GRXCR1: variants seen among roughly 807,000 people sequenced by gnomAD.
GRXCR1 encodes the protein glutaredoxin domain-containing cysteine-rich protein 1.
GRXCR1 carries 27 observed loss-of-function variants against 27.3 expected under a neutral mutation model. The ratio of observed to expected loss-of-function variants is 0.99; its 90% confidence interval spans 0.73 to 1.37. The LOEUF is 1.37. GRXCR1 is among the 40% of genes most tolerant of loss of function. GRXCR1 has a pLI of 0.00. For missense variants in GRXCR1, 379 were observed against 354.4 expected (o/e 1.07, Z -0.56); for synonymous variants, 122 against 131.1 (o/e 0.93, Z 0.47).
intron 1 of GRXCR1, among the ~76,000 whole-genome samples, chr4:42,947,546 T>C (rs1747776575): frequency 6.6e-6 from 1 of 152,180 alleles, no homozygotes. Context: ...ATTGGGTTAC[T>C]GATAAAATTG....
intron 2 of GRXCR1, among the ~76,000 whole-genome samples, chr4:42,976,880 C>T (rs994341959): frequency 2.0e-5 from 3 of 151,914 alleles, no homozygotes; most frequent in Non-Finnish European, 4.4e-5. Context: ...TAACTCTAGT[C>T]CTCCAATAGA....
intron 2 of GRXCR1, 23 bp downstream of exon 2, chr4:42,963,157 T>G: frequency 6.2e-7 from 1 of 1,611,358 alleles, no homozygotes; most frequent in Non-Finnish European, 8.5e-7. Context: ...CCCAGGAAAG[T>G]CTTTTTCATA....
chr4:42,953,821 A>G (rs1442018581), intron 1 of GRXCR1, among the ~76,000 whole-genome samples: 2 of 152,094 alleles, frequency 1.3e-5, no homozygotes, highest in African/African-American at 4.8e-5. Flanking sequence ...TAATAAAAAT[A>G]TATCATTTAC....
chr4:42,920,587 A>C (rs1746986114), intron 1 of GRXCR1, among the ~76,000 whole-genome samples: 1 of 152,142 alleles, frequency 6.6e-6, no homozygotes, highest in Non-Finnish European at 1.5e-5. Context: ...AAAGGTGCAG[A>C]GGTTCTACTG....
chr4:42,989,925 TC>T (rs1328938928), intron 2 of GRXCR1, among the ~76,000 whole-genome samples: 1 of 152,096 alleles, frequency 6.6e-6, no homozygotes, highest in Non-Finnish European at 1.5e-5. Context: ...ATTATCATTT[TC>T]CATATTTATA....
intron 1 of GRXCR1, among the ~76,000 whole-genome samples, chr4:42,947,383 G>A (rs536353457): frequency 6.6e-6 from 1 of 152,192 alleles, no homozygotes; most frequent in South Asian, 2.1e-4. Context: ...CCTTAAGCAA[G>A]TTAGAAATCT....
intron 2 of GRXCR1, among the ~76,000 whole-genome samples, chr4:43,009,850 C>T (rs1434006694): frequency 1.3e-5 from 2 of 152,086 alleles, no homozygotes; most frequent in Non-Finnish European, 2.9e-5. Context: ...ATACATTTCT[C>T]TATATATATT....
At chr4:42,930,741 G>T (rs1236688834) in intron 1 of GRXCR1, among the ~76,000 whole-genome samples, 1 of 151,972 alleles carries the variant, frequency 6.6e-6, no homozygotes, top group Non-Finnish European at 1.5e-5. Context: ...GGATTCCTCA[G>T]ATCATCGATA....
intron 1 of GRXCR1, among the ~76,000 whole-genome samples, chr4:42,948,390 G>A (rs1414368659): frequency 6.6e-6 from 1 of 152,014 alleles, no homozygotes; most frequent in Non-Finnish European, 1.5e-5. Context: ...TAGCATCTTG[G>A]AGAAAAGTCC....
At chr4:42,981,986 A>G (rs1748682124) in intron 2 of GRXCR1, among the ~76,000 whole-genome samples, 1 of 151,268 alleles carries the variant, frequency 6.6e-6, no homozygotes, top group South Asian at 2.1e-4. Context: ...ATCTTTCTTC[A>G]TATTTGGAAA....
chr4:43,001,807 C>A (rs1268843193), intron 2 of GRXCR1, among the ~76,000 whole-genome samples: 1 of 151,416 alleles, frequency 6.6e-6, no homozygotes, highest in African/African-American at 2.4e-5. Flanking sequence ...TGAGTTCCCT[C>A]AGTTTTTATT....
intron 3 of GRXCR1, among the ~76,000 whole-genome samples, chr4:43,024,144 T>TA (rs1713180000): frequency 6.6e-6 from 1 of 151,348 alleles, no homozygotes; most frequent in Non-Finnish European, 1.5e-5. Context: ...TATGAGTAAA[T>TA]AGTTTTGTTG....
intron 2 of GRXCR1, among the ~76,000 whole-genome samples, chr4:43,011,558 C>T (rs989111224): frequency 3.3e-5 from 5 of 152,108 alleles, no homozygotes; most frequent in African/African-American, 1.2e-4. Flanking sequence ...CTTCATCAAG[C>T]TTCTTTGTTT....
At chr4:42,935,926 C>A (rs548276603) in intron 1 of GRXCR1, among the ~76,000 whole-genome samples, 3 of 151,942 alleles carry the variant, frequency 2.0e-5, no homozygotes, top group Non-Finnish European at 4.4e-5. Flanking sequence ...AATAACACTG[C>A]TTTTTAAAAG....
chr4:42,913,757 A>G (rs1386662775), intron 1 of GRXCR1, among the ~76,000 whole-genome samples: 1 of 152,170 alleles, frequency 6.6e-6, no homozygotes, highest in Non-Finnish European at 1.5e-5. Flanking sequence ...TCACAGGTGC[A>G]GAAACCTAGG....
chr4:43,005,447 T>C (rs1221965094), intron 2 of GRXCR1, among the ~76,000 whole-genome samples: 2 of 152,242 alleles, frequency 1.3e-5, no homozygotes, highest in African/African-American at 2.4e-5. Flanking sequence ...TTTAATTCTA[T>C]GCTCACTTTT....
intron 1 of GRXCR1, among the ~76,000 whole-genome samples, chr4:42,935,445 C>G (rs1167225978): frequency 6.6e-6 from 1 of 151,734 alleles, no homozygotes; most frequent in African/African-American, 2.4e-5. Context: ...TGATTAGGGT[C>G]TGGACAAATG....
intron 2 of GRXCR1, among the ~76,000 whole-genome samples, chr4:42,965,482 C>T (rs1560667489): frequency 1.3e-5 from 2 of 151,992 alleles, no homozygotes; most frequent in African/African-American, 4.8e-5. Context: ...GAATACATTG[C>T]TTGAATTATA....
chr4:42,963,272 G>T (rs1577922716), intron 2 of GRXCR1, 138 bp downstream of exon 2: 1 of 952,314 alleles, frequency 1.1e-6, no homozygotes, highest in East Asian at 2.4e-5. Flanking sequence ...AGGGATTGGA[G>T]CACTTATTTC....
Sources: allele counts gnomAD v4.1 joint callset (sites outside exome capture counted in the v4.1 genomes callset), GRCh38; gene constraint gnomAD v4.1.1; transcripts MANE v1.5; gene names NCBI Gene and HGNC (gene_info 2026-07-23, HGNC 2026-07-21).